ANKRD28: variants seen among roughly 807,000 people sequenced by gnomAD.
The protein encoded by ANKRD28 is ankyrin repeat domain 28.
In ANKRD28, 44 loss-of-function variants were observed where a neutral mutation model predicts 126.5. That is an observed-to-expected ratio of 0.35 (90% confidence interval 0.27 to 0.45). The LOEUF (loss-of-function observed/expected upper bound fraction) is 0.45, where lower values mean the gene tolerates loss of function less well. Among genes scored for constraint, ANKRD28 ranks in the 20% least tolerant of loss-of-function variants. The pLI, the probability that ANKRD28 is intolerant of heterozygous loss-of-function variation, is 1.00. For missense variants in ANKRD28, 1,110 were observed against 1,316.6 expected, an observed-to-expected ratio of 0.84 and a Z score of 2.43; for synonymous variants, 442 against 468.5, an observed-to-expected ratio of 0.94 and a Z score of 0.73.
intron 14 of ANKRD28, among the ~76,000 whole-genome samples, chr3:15,701,972 T>TTA (rs150793684): frequency 0.09 from 13,632 of 152,234 alleles, 678 homozygotes; most frequent in South Asian, 0.12. Context: ...TCTCTAGATG[T>TTA]TAGTGATAAA....
chr3:15,711,203 T>G lies in ANKRD28; in HGVS notation c.1337+8A>C. The G allele has an allele frequency of 6.2e-7, 1 of 1,608,216 alleles. No individual in the cohort carries two copies. The highest frequency in any genetic ancestry group is 8.5e-7 in the Non-Finnish European group (1 of 1,176,056). ...TTTCTTAAAGAAATAAAAATACTAT[T>G]AACATACCCTCCAGCTGCAGCTGCA... On this transcript the variant is annotated splice_region_variant and intron_variant, in intron 12 of 27. Transcript: ENST00000683139.
At chr3:15,826,339 A>AT (rs1251738902) in intron 1 of ANKRD28, among the ~76,000 whole-genome samples, 2 of 152,228 alleles carry the variant, frequency 1.3e-5, no homozygotes, top group African/African-American at 4.8e-5. Context: ...ATCCCCAAAG[A>AT]TACAGATATA....
intron 4 of ANKRD28, among the ~76,000 whole-genome samples, chr3:15,739,730 G>A (rs1195581144): frequency 6.6e-6 from 1 of 152,194 alleles, no homozygotes; most frequent in African/African-American, 2.4e-5. Flanking sequence ...TATTAGCCAT[G>A]AATCACCCAT....
chr3:15,743,872 CTAAGT>C (rs561582939), intron 4 of ANKRD28, among the ~76,000 whole-genome samples: 349 of 152,254 alleles, frequency 2.3e-3, no homozygotes, highest in African/African-American at 7.9e-3. Context: ...ACGGTATGTG[CTAAGT>C]TAAGTTCTCT....
chr3:15,672,279 G>A (rs1373706772), intron 27 of ANKRD28, among the ~76,000 whole-genome samples: 1 of 151,632 alleles, frequency 6.6e-6, no homozygotes, highest in African/African-American at 2.4e-5. Context: ...GACTAGCTCT[G>A]ACTATAGGCA....
At chr3:15,749,915 G>T (rs180864913) in intron 4 of ANKRD28, among the ~76,000 whole-genome samples, 2 of 152,162 alleles carry the variant, frequency 1.3e-5, no homozygotes, top group African/African-American at 2.4e-5. Context: ...GGAGTGAAGC[G>T]GACTCTGAGG....
At position 15,667,636 on chromosome 3, in the gene ANKRD28, G is replaced by A. The variant is rs1164692223; in HGVS notation, c.*2634C>T. The A allele has an allele frequency of 1.3e-5, 2 of 152,186 alleles. No individual in the cohort carries two copies. The highest frequency in any genetic ancestry group is 2.9e-5 in the Non-Finnish European group (2 of 68,024). The allele number at this position is 152,186 out of a possible 1,614,324, so 9.4% of individuals were successfully genotyped here. A position where few individuals can be genotyped will look rare whatever the true frequency, so the allele number is the denominator to read the frequency against. ...TACTTATTCCAACAATACTGGCGTA[G>A]TTCAAATACCATTTGAGACAGTACT... On this transcript the variant is annotated 3_prime_UTR_variant, in exon 28 of 28. Transcript: ENST00000683139.
intron 1 of ANKRD28, among the ~76,000 whole-genome samples, chr3:15,842,473 T>C (rs2125973884): frequency 6.6e-6 from 1 of 151,944 alleles, no homozygotes; most frequent in East Asian, 1.9e-4. Context: ...GGAGGGTTAA[T>C]GGGTAGAAAA....
At chr3:15,765,847 CA>C (rs202083902) in intron 3 of ANKRD28, among the ~76,000 whole-genome samples, 15,428 of 132,702 alleles carry the variant, frequency 0.12, 892 homozygotes, top group East Asian at 0.34. Context: ...AACCAAAAAC[CA>C]AAAAAAAAAA....
Position 15,714,603 on chromosome 3 carries a change from G to C in ANKRD28, c.1050C>G (p.Ser350=). The change falls in exon 9 of 28, where the codon TCC becomes TCG. Residue 350 remains serine, a synonymous_variant. Coordinates refer to ENST00000683139, the MANE Select transcript of ANKRD28 (RefSeq NM_001349278.2). ...CACTCTGGATAATGGTTTGTGATCG[G>C]GAGAATCTACCGTGGAGAGCAGTCA... ...LHMTALHGRF[S]RSQTIIQSGA... is the part of the protein sequence containing the mutation. 1.3e-6 allele frequency: 2 copies of C among 1,597,428 alleles called. No individual in the cohort carries two copies. The highest frequency in any genetic ancestry group is 8.5e-7 in the Non-Finnish European group (1 of 1,174,926).
rs2061363759 is a variant in ANKRD28 at position 15,838,387 on chromosome 3, T to C, written c.27+20990A>G. ...CAGCATACAATAGGAATCATACAAA[T>C]TGGCTATTCTTAAAACATTAAACAT... On this transcript the variant is annotated intron_variant, in intron 1 of 27. Coordinates refer to the ANKRD28 transcript ENST00000399451. The surrounding 1 kb of genome is among the most constrained non-coding windows in gnomAD (Gnocchi z 4.0). Among the ~76,000 whole-genome samples the C allele has an allele frequency of 6.6e-6, 1 of 152,118 alleles. No individual in the cohort carries two copies. Among genetic ancestry groups the C allele is most frequent in the Non-Finnish European group, 1.5e-5 (1 of 68,000 alleles).
intron 14 of ANKRD28, among the ~76,000 whole-genome samples, chr3:15,700,738 C>A (rs1221771698): frequency 6.6e-6 from 1 of 152,134 alleles, no homozygotes; most frequent in Non-Finnish European, 1.5e-5. Flanking sequence ...CGCGCCACTG[C>A]ACTCCAGCCT....
intron 1 of ANKRD28, among the ~76,000 whole-genome samples, chr3:15,803,809 T>C (rs1188150842): frequency 6.9e-6 from 1 of 144,040 alleles, no homozygotes; most frequent in Non-Finnish European, 1.5e-5. Context: ...AGAATGTTAC[T>C]TGTTACATCA....
intron 2 of ANKRD28, among the ~76,000 whole-genome samples, chr3:15,792,027 A>C (rs1421124806): frequency 6.6e-6 from 1 of 152,214 alleles, no homozygotes; most frequent in Non-Finnish European, 1.5e-5. Context: ...ACTCAATGAG[A>C]TATCATCTTG....
intron 27 of ANKRD28, among the ~76,000 whole-genome samples, chr3:15,673,327 T>C (rs1350071734): frequency 6.6e-6 from 1 of 152,246 alleles, no homozygotes; most frequent in African/African-American, 2.4e-5. Context: ...CTATGTCTTA[T>C]TTTACACTAT....
intron 1 of ANKRD28, among the ~76,000 whole-genome samples, chr3:15,847,394 T>C (rs890117594): frequency 3.3e-5 from 5 of 152,180 alleles, no homozygotes; most frequent in African/African-American, 4.8e-5. Flanking sequence ...TTCCATATTT[T>C]CCATGATACT....
intron 4 of ANKRD28, among the ~76,000 whole-genome samples, chr3:15,743,028 C>T (rs1409621308): frequency 6.6e-6 from 1 of 152,072 alleles, no homozygotes; most frequent in Admixed American, 6.5e-5. Flanking sequence ...TTGTTCTGTA[C>T]TAAGAAAAAT....
intron 2 of ANKRD28, among the ~76,000 whole-genome samples, chr3:15,779,738 A>G (rs1211685467): frequency 6.6e-6 from 1 of 152,188 alleles, no homozygotes; most frequent in Non-Finnish European, 1.5e-5. Flanking sequence ...CCCTGTAGGT[A>G]TTTTAGAATC....
rs752940069 is a variant in ANKRD28, at chr3:15,796,956, G to A, written c.-435C>T. On this transcript the variant is annotated 5_prime_UTR_variant, in exon 1 of 28. Transcript: ENST00000683139. The stretch of plus-strand genomic sequence containing the variant: ...AATGAGAAACAACTGCTGTGACAGA[G>A]ATGATCACAGCGATACCCACTCTTG... 2.9e-5 allele frequency: 29 copies of A among 985,362 alleles called. No individual in the cohort carries two copies. Among genetic ancestry groups the A allele is most frequent in the Non-Finnish European group, 9.6e-6 (8 of 830,034 alleles). 61.0% of individuals were successfully genotyped at this position (985,362 alleles called of 1,614,324 possible).
Sources: allele counts gnomAD v4.1 joint callset (sites outside exome capture counted in the v4.1 genomes callset), GRCh38; gene constraint gnomAD v4.1.1; non-coding constraint Gnocchi (gnomAD v3.1); transcripts MANE v1.5; gene names NCBI Gene and HGNC (gene_info 2026-07-23, HGNC 2026-07-21).